HIVEP2: variants seen among roughly 807,000 people sequenced by gnomAD.
HIVEP2 encodes transcription factor HIVEP2.
In HIVEP2, 14 loss-of-function variants were observed where a neutral mutation model predicts 180.7. The ratio of observed to expected loss-of-function variants is 0.08; its 90% CI spans 0.05 to 0.12. HIVEP2 has a LOEUF of 0.12. Among genes scored for constraint, HIVEP2 ranks in the 10% least tolerant of loss-of-function variants. The pLI is 1.00. For missense variants in HIVEP2, 2,579 were observed against 3,008.5 expected, an observed-to-expected ratio of 0.86 and a Z score of 3.34; for synonymous variants, 1,184 against 1,136.4, an observed-to-expected ratio of 1.04 and a Z score of -0.84.
In HIVEP2 at chr6:142,775,119, A is replaced by T; in HGVS notation, c.-381T>A. The T allele has an allele frequency of 1.0e-6, 1 of 994,496 alleles. No homozygotes were observed. Among genetic ancestry groups the T allele is most frequent in the Non-Finnish European group, 1.2e-6 (1 of 834,358 alleles). The allele number at this position is 994,496 out of a possible 1,614,324, so 61.6% of individuals were successfully genotyped here. The stretch of plus-strand genomic sequence containing the variant: ...TTCAATTGCCAGTTTCACTAAGATA[A>T]AATGATCTGAAGAAAAAGAAAATAC... On this transcript the variant is annotated 5_prime_UTR_variant, in exon 5 of 10. Coordinates refer to ENST00000367603, the MANE Select transcript of HIVEP2 (RefSeq NM_006734.4).
At chr6:142,798,915 A>G (rs1469289033) in intron 2 of HIVEP2, among the ~76,000 whole-genome samples, 1 of 152,186 alleles carries the variant, frequency 6.6e-6, no homozygotes, top group African/African-American at 2.4e-5. Flanking sequence ...GTCATAAAAT[A>G]TTGGCATTCT....
At chr6:142,913,914 A>G (rs781545392) in intron 1 of HIVEP2, among the ~76,000 whole-genome samples, 15 of 152,150 alleles carry the variant, frequency 9.9e-5, no homozygotes, top group Non-Finnish European at 1.5e-5. Context: ...ACCAGCAGCA[A>G]GTTGCACGTT....
In HIVEP2 at chr6:142,943,736, G is replaced by C. The variant is rs1020240293; in HGVS notation, c.-641+1363C>G. Among the ~76,000 whole-genome samples, 8 of 152,104 alleles carry C rather than the reference G, an allele frequency of 5.3e-5. No homozygotes were observed. The highest frequency in any genetic ancestry group is 1.9e-4 in the African/African-American group (8 of 41,412). ...ATTATAATGAAAGTACAGGAAACAA[G>C]CCTTTCTATATTCATTTTAGGCCTA... On this transcript the variant is annotated intron_variant, in intron 1 of 9. Transcript: ENST00000367603. The surrounding 1 kb of genome is among the most constrained non-coding windows in gnomAD (Gnocchi z 4.5).
chr6:142,755,189 T>C (rs1218500944), intron 9 of HIVEP2, among the ~76,000 whole-genome samples: 1 of 152,246 alleles, frequency 6.6e-6, no homozygotes, highest in Non-Finnish European at 1.5e-5. Context: ...TACCCTTCTC[T>C]GTGATATATC....
rs9403409 is a variant in HIVEP2 at position 142,891,403 on chromosome 6, T to C, written c.-641+53696A>G. Among the ~76,000 whole-genome samples, 1,384 of 150,182 alleles carry C rather than the reference T, an allele frequency of 9.2e-3. 83 individuals carry two copies. The East Asian group carries it at 0.17, about 19-fold the overall frequency. On this transcript the variant is annotated intron_variant, in intron 1 of 9. Coordinates refer to ENST00000367603, the MANE Select transcript of HIVEP2 (RefSeq NM_006734.4). ...ATCTCATCATACATATGTATGTTTATATATAATTTAATATTAATATTAATA... is the reference window on the plus strand; with the variant it reads ...ATCTCATCATACATATGTATGTTTACATATAATTTAATATTAATATTAATA...
At chr6:142,792,885 A>T (rs1161361828) in intron 2 of HIVEP2, among the ~76,000 whole-genome samples, 1 of 152,148 alleles carries the variant, frequency 6.6e-6, no homozygotes, top group Non-Finnish European at 1.5e-5. Flanking sequence ...GATATAATGA[A>T]GCAAGATAAC....
intron 1 of HIVEP2, among the ~76,000 whole-genome samples, chr6:142,865,314 C>T (rs959179979): frequency 1.3e-5 from 2 of 151,944 alleles, no homozygotes; most frequent in African/African-American, 2.4e-5. Context: ...CACATTAATG[C>T]TGTCAGGAGC....
chr6:142,804,420 G>A (rs1361447725), intron 2 of HIVEP2, among the ~76,000 whole-genome samples: 1 of 152,086 alleles, frequency 6.6e-6, no homozygotes, highest in Non-Finnish European at 1.5e-5. Context: ...CATAACTCTA[G>A]TCCTTTCAGA....
At chr6:142,853,005 A>G (rs1188006311) in intron 1 of HIVEP2, among the ~76,000 whole-genome samples, 1 of 152,188 alleles carries the variant, frequency 6.6e-6, no homozygotes, top group African/African-American at 2.4e-5. Context: ...GCATACTTGT[A>G]CAACATATAC....
Position 142,867,795 on chromosome 6 carries a change from C to A in HIVEP2, c.-640-30748G>T, listed in dbSNP as rs191166524. 4.3e-4 allele frequency among the ~76,000 whole-genome samples: 65 copies of A among 152,296 alleles called. 1 individual carries two copies. The highest frequency in any genetic ancestry group is 1.5e-3 in the African/African-American group (61 of 41,580). On this transcript the variant is annotated intron_variant, in intron 1 of 9. Coordinates refer to ENST00000367603, the MANE Select transcript of HIVEP2 (RefSeq NM_006734.4). ...TAACGCATTAATAAAGGTGGATTCG[C>A]ATGCAAGACTTGGTTGCTATCCTAG...
chr6:142,907,259 C>T (rs1208137186), intron 1 of HIVEP2, among the ~76,000 whole-genome samples: 6 of 152,154 alleles, frequency 3.9e-5, no homozygotes, highest in Non-Finnish European at 8.8e-5. Context: ...TATACACTAC[C>T]AAATCACATT....
chr6:142,866,837 C>T (rs1374119231), intron 1 of HIVEP2, among the ~76,000 whole-genome samples: 1 of 152,128 alleles, frequency 6.6e-6, no homozygotes, highest in Admixed American at 6.6e-5. Flanking sequence ...TGGCTACTTA[C>T]CCCTTTCTAA....
At chr6:142,871,062 G>A (rs558019275) in intron 1 of HIVEP2, among the ~76,000 whole-genome samples, 3 of 152,220 alleles carry the variant, frequency 2.0e-5, no homozygotes, top group African/African-American at 7.2e-5. Flanking sequence ...CCTAAAACAT[G>A]GTTCTACCAG....
At chr6:142,779,742 A>G (rs1237854418) in intron 3 of HIVEP2, 1 of 152,248 alleles carries the variant, frequency 6.6e-6, no homozygotes, top group Non-Finnish European at 1.5e-5. Flanking sequence ...TAATGTTTTC[A>G]CTTAGCAATG....
chr6:142,831,409 C>A (rs945342334), intron 2 of HIVEP2, among the ~76,000 whole-genome samples: 1 of 152,138 alleles, frequency 6.6e-6, no homozygotes, highest in African/African-American at 2.4e-5. Context: ...TGCTGCCCCC[C>A]ACCCCACCTC....
intron 2 of HIVEP2, among the ~76,000 whole-genome samples, chr6:142,795,393 G>A (rs896607742): frequency 1.3e-5 from 2 of 151,918 alleles, no homozygotes; most frequent in African/African-American, 2.4e-5. Flanking sequence ...TTCTTCATTA[G>A]CACAGATTTT....
chr6:142,814,930 T>C (rs577897199), intron 2 of HIVEP2, among the ~76,000 whole-genome samples: 1 of 152,256 alleles, frequency 6.6e-6, no homozygotes, highest in East Asian at 1.9e-4. Flanking sequence ...CTGGGTAATT[T>C]ATAACAAGCA....
rs1289211652 is a variant in HIVEP2 at position 142,793,673 on chromosome 6, T to TTCTTTC, written c.-527-10059_-527-10058insGAAAGA. ...CTTTCTTTCTTTTTTCTTTCTTTCT[T>TTCTTTC]TCTCTCTCTCTCTCTCTCTCTCTCT... On this transcript the variant is annotated intron_variant, in intron 2 of 9. Coordinates refer to ENST00000367603, the MANE Select transcript of HIVEP2 (RefSeq NM_006734.4). 9.8e-4 allele frequency among the ~76,000 whole-genome samples: 105 copies of TTCTTTC among 107,502 alleles called. 1 individual carries two copies. The highest frequency in any genetic ancestry group is 2.8e-3 in the African/African-American group (76 of 27,100). 70.5% of individuals were successfully genotyped at this position (107,502 alleles called of 152,430 possible). A position where few individuals can be genotyped will look rare whatever the true frequency, so the allele number is the denominator to read the frequency against.
At chr6:142,824,852 GA>G (rs1774834055) in intron 2 of HIVEP2, among the ~76,000 whole-genome samples, 1 of 152,108 alleles carries the variant, frequency 6.6e-6, no homozygotes, top group African/African-American at 2.4e-5. Flanking sequence ...TCTGCAATTT[GA>G]AACCAATAAA....
Sources: allele counts gnomAD v4.1 joint callset (sites outside exome capture counted in the v4.1 genomes callset), GRCh38; gene constraint gnomAD v4.1.1; non-coding constraint Gnocchi (gnomAD v3.1); transcripts MANE v1.5; gene names NCBI Gene and HGNC (gene_info 2026-07-23, HGNC 2026-07-21).